The following TNS3 variants were observed in gnomAD, a reference collection of about 807,000 sequenced individuals.
TNS3 encodes the protein tensin-3.
In TNS3, 45 loss-of-function variants were observed where a neutral mutation model predicts 140.9. That is an observed-to-expected ratio of 0.32 (90% CI 0.25 to 0.41). The LOEUF (loss-of-function observed/expected upper bound fraction) is 0.41. TNS3 is among the 10% of genes least tolerant of loss of function. The probability of loss-of-function intolerance (pLI) is 1.00; values close to 1 mark genes in which losing one functional copy is unlikely to be tolerated. For missense variants in TNS3, 1,716 were observed against 1,906.7 expected (o/e 0.90, Z 1.86); for synonymous variants, 815 against 788.4 (o/e 1.03, Z -0.56).
intron 13 of TNS3, among the ~76,000 whole-genome samples, chr7:47,403,106 G>A (rs1197427671): frequency 1.3e-5 from 2 of 152,100 alleles, no homozygotes; most frequent in African/African-American, 2.4e-5. Flanking sequence ...TGCCCCTCCC[G>A]TCAGTACCGC....
At chr7:47,505,999 A>T (rs1311799669) in intron 3 of TNS3, among the ~76,000 whole-genome samples, 6 of 152,198 alleles carry the variant, frequency 3.9e-5, no homozygotes. Flanking sequence ...AGCCGAAGGC[A>T]GGGCTGGAAA....
At chr7:47,340,753 T>A (rs1444204976) in intron 20 of TNS3, among the ~76,000 whole-genome samples, 2 of 152,032 alleles carry the variant, frequency 1.3e-5, no homozygotes, top group East Asian at 3.9e-4. Context: ...GATGATCATG[T>A]CACCAGCAAA....
chr7:47,320,506 G>T (rs186691844), intron 20 of TNS3, among the ~76,000 whole-genome samples: 2 of 152,228 alleles, frequency 1.3e-5, no homozygotes, highest in African/African-American at 4.8e-5. Context: ...GCAGCTGGAA[G>T]TCCAAGATCA....
intron 1 of TNS3, among the ~76,000 whole-genome samples, chr7:47,540,716 C>T (rs1318829473): frequency 6.6e-6 from 1 of 152,174 alleles, no homozygotes; most frequent in South Asian, 2.1e-4. Flanking sequence ...CAGACACTTT[C>T]CAGACAGGAA....
intron 27 of TNS3, among the ~76,000 whole-genome samples, chr7:47,286,905 C>T (rs2150576795): frequency 6.6e-6 from 1 of 152,196 alleles, no homozygotes; most frequent in Middle Eastern, 3.4e-3. Flanking sequence ...AGCATGACCC[C>T]AAGTACAAGG....
At chr7:47,428,243 A>G (rs1462600945) in intron 9 of TNS3, 69 bp downstream of exon 9, 2 of 1,170,090 alleles carry the variant, frequency 1.7e-6, no homozygotes, top group African/African-American at 1.6e-5. Flanking sequence ...TCCCGCGCAG[A>G]CAGCCTTCAG....
chr7:47,389,178 A>AAGC (rs375163679), intron 16 of TNS3, among the ~76,000 whole-genome samples: 4,131 of 19,608 alleles, frequency 0.21, 1,573 homozygotes, highest in South Asian at 0.47. Flanking sequence ...GCAGAAGCAG[A>AAGC]AGAAGCAGAA....
chr7:47,280,125 C>T (rs4720590), intron 30 of TNS3, 39 bp downstream of exon 30: 1,080,663 of 1,611,594 alleles, frequency 0.67, 364,302 homozygotes, highest in Middle Eastern at 0.8. Context: ...AGTACAACTG[C>T]AGACAAGGAG....
intron 4 of TNS3, among the ~76,000 whole-genome samples, chr7:47,474,147 A>ACACACACACACACACACAC (rs1562783799): frequency 1.1e-5 from 1 of 87,792 alleles, no homozygotes; most frequent in African/African-American, 4.6e-5. Flanking sequence ...CACACACACA[A>ACACACACACACACACACAC]CACACATAAA....
At chr7:47,475,267 G>A (rs1260309316) in intron 4 of TNS3, among the ~76,000 whole-genome samples, 2 of 152,262 alleles carry the variant, frequency 1.3e-5, no homozygotes, top group Non-Finnish European at 2.9e-5. Flanking sequence ...CTGGCCTCGG[G>A]TGAGGTGAAC....
intron 20 of TNS3, among the ~76,000 whole-genome samples, chr7:47,312,813 C>G (rs1787180181): frequency 6.6e-6 from 1 of 152,094 alleles, no homozygotes; most frequent in Admixed American, 6.5e-5. Flanking sequence ...AGCACACCAA[C>G]ATGGCACATG....
intron 2 of TNS3, among the ~76,000 whole-genome samples, chr7:47,510,860 TAAAAA>T (rs34323744): frequency 7.8e-6 from 1 of 128,322 alleles, no homozygotes; most frequent in Non-Finnish European, 1.6e-5. Flanking sequence ...AGACTGTCTT[TAAAAA>T]AAAAAAAAAA....
At chr7:47,369,746 A>C in intron 16 of TNS3, 125 bp from the exon 17 acceptor site, 1 of 1,123,298 alleles carries the variant, frequency 8.9e-7, no homozygotes, top group South Asian at 1.7e-5. Flanking sequence ...TACAATAAAC[A>C]AGGACAAAGA....
At chr7:47,492,949 C>T (rs1432228847) in intron 3 of TNS3, among the ~76,000 whole-genome samples, 1 of 152,186 alleles carries the variant, frequency 6.6e-6, no homozygotes, top group Non-Finnish European at 1.5e-5. Context: ...GAGCCTCGGG[C>T]GATGACATCA....
At chr7:47,469,973 CAAAAAA>C (rs144012426) in intron 4 of TNS3, among the ~76,000 whole-genome samples, 13 of 64,880 alleles carry the variant, frequency 2.0e-4, no homozygotes, top group East Asian at 1.4e-3. Flanking sequence ...AACTCTGTCT[CAAAAAA>C]AAAAAAAAAA....
In TNS3 at chr7:47,347,909, T is replaced by TAAATG. The variant is rs1229376011; in HGVS notation, c.2282-1558_2282-1554dup. Among the ~76,000 whole-genome samples, 6 of 152,016 alleles carry TAAATG rather than the reference T, an allele frequency of 3.9e-5. No homozygotes were observed. In the East Asian group the frequency reaches 1.2e-3, roughly 29 times the overall value. ...TTTTCCCTCCCACAAGGGGGAGGAT[T>TAAATG]AAATGAAATGAAATGGCATATCTGA... On this transcript the variant is annotated intron_variant, in intron 17 of 30. Coordinates refer to ENST00000311160, the MANE Select transcript of TNS3 (RefSeq NM_022748.12).
intron 1 of TNS3, among the ~76,000 whole-genome samples, chr7:47,533,123 A>ATT (rs35691609): frequency 1.0e-4 from 9 of 88,818 alleles, no homozygotes; most frequent in African/African-American, 4.4e-4. Context: ...ATATATATAT[A>ATT]TTTTTTTTTT....
intron 13 of TNS3, among the ~76,000 whole-genome samples, chr7:47,405,914 A>G (rs551373777): frequency 1.4e-4 from 21 of 152,094 alleles, no homozygotes; most frequent in Non-Finnish European, 2.4e-4. Flanking sequence ...ACAAAATTCA[A>G]GTGGCCGTGG....
intron 1 of TNS3, among the ~76,000 whole-genome samples, chr7:47,554,261 T>C (rs2151986862): frequency 6.6e-6 from 1 of 150,698 alleles, no homozygotes; most frequent in African/African-American, 2.4e-5. Flanking sequence ...CTACTAAAAA[T>C]ACAAAAATTA....
Sources: allele counts gnomAD v4.1 joint callset (sites outside exome capture counted in the v4.1 genomes callset), GRCh38; gene constraint gnomAD v4.1.1; transcripts MANE v1.5; gene names NCBI Gene and HGNC (gene_info 2026-07-23, HGNC 2026-07-21).